ZFHX3: variants seen among roughly 807,000 people sequenced by gnomAD.
ZFHX3 encodes the protein zinc finger homeobox 3.
A neutral mutation model predicts 279.1 loss-of-function variants in ZFHX3; 42 were observed. The observed-to-expected ratio is 0.15, with a 90% CI of 0.12 to 0.19. The LOEUF (loss-of-function observed/expected upper bound fraction) is 0.19, where lower values mean the gene tolerates loss of function less well. Ranked by LOEUF, ZFHX3 falls within the 10% of genes least tolerant of loss-of-function variation. The pLI, the probability that ZFHX3 is intolerant of heterozygous loss-of-function variation, is 1.00. For synonymous variants in ZFHX3, 2,293 were observed against 1,957.8 expected, an observed-to-expected ratio of 1.17 and a Z score of -4.52; for missense variants, 4,981 against 4,754.0, an observed-to-expected ratio of 1.05 and a Z score of -1.40.
At chr16:73,082,339 C>G (rs554054703) in intron 8 of ZFHX3, among the ~76,000 whole-genome samples, 1 of 152,166 alleles carries the variant, frequency 6.6e-6, no homozygotes, top group East Asian at 1.9e-4. Flanking sequence ...GCGATCTTGG[C>G]TCACTGCAAG....
In ZFHX3 at chr16:72,793,893, G is replaced by A. The variant is rs762302068; in HGVS notation, c.8789C>T (p.Ala2930Val). Residue 2930 changes from alanine (A) to valine (V), a missense_variant, in exon 9 of 10, where the codon GCG becomes GTG. Transcript: ENST00000268489. The surrounding 1 kb of genome is among the most constrained non-coding windows in gnomAD (Gnocchi z 4.3). ...LADPCSPSPG[A>V]SGSAGKSGDS... is the part of the protein sequence containing the mutation. ...ACCAGATTTGCCTGCAGATCCACTCGCACCAGGACTCGGGGAGCAGGGATC... is the reference window on the plus strand; with the variant it reads ...ACCAGATTTGCCTGCAGATCCACTCACACCAGGACTCGGGGAGCAGGGATC... 1.3e-5 allele frequency: 21 copies of A among 1,614,060 alleles called. No homozygotes were observed. Among genetic ancestry groups the A allele is most frequent in the Non-Finnish European group, 1.6e-5 (19 of 1,180,038 alleles).
At chr16:73,547,397 C>T (rs1596991563) in intron 2 of ZFHX3, among the ~76,000 whole-genome samples, 1 of 152,148 alleles carries the variant, frequency 6.6e-6, no homozygotes, top group East Asian at 1.9e-4. Context: ...TCCTTTTGTT[C>T]AAAGTTCAGA....
chr16:73,662,710 G>T (rs996766717), intron 2 of ZFHX3, among the ~76,000 whole-genome samples: 1 of 152,134 alleles, frequency 6.6e-6, no homozygotes, highest in African/African-American at 2.4e-5. Flanking sequence ...TGCTGAAAGC[G>T]AACAATTTCA....
intron 3 of ZFHX3, among the ~76,000 whole-genome samples, chr16:73,383,369 G>C (rs2016847210): frequency 6.6e-6 from 1 of 152,184 alleles, no homozygotes; most frequent in Non-Finnish European, 1.5e-5. Context: ...AGCCGAGGCT[G>C]TAGAGCGGCA....
intron 2 of ZFHX3, among the ~76,000 whole-genome samples, chr16:73,479,001 G>A (rs1049816945): frequency 2.6e-5 from 4 of 152,094 alleles, no homozygotes; most frequent in African/African-American, 7.2e-5. Context: ...GCAGTGAGCC[G>A]AGATCATGCC....
chr16:73,455,730 C>T (rs1366993124), intron 3 of ZFHX3, among the ~76,000 whole-genome samples: 1 of 147,144 alleles, frequency 6.8e-6, no homozygotes, highest in African/African-American at 2.5e-5. Context: ...TAAAATATTG[C>T]TTTTTTTTTT....
intron 8 of ZFHX3, among the ~76,000 whole-genome samples, chr16:73,065,452 G>T (rs887230610): frequency 6.6e-6 from 1 of 151,882 alleles, no homozygotes; most frequent in Non-Finnish European, 1.5e-5. Context: ...CTGAATAAAC[G>T]TGAGGGTTTT....
intron 1 of ZFHX3, among the ~76,000 whole-genome samples, chr16:73,728,015 G>GCCCCCCCCCCCCCC (rs3049673): frequency 3.7e-4 from 28 of 75,422 alleles, no homozygotes; most frequent in Non-Finnish European, 4.7e-4. Context: ...GCCGAATTGT[G>GCCCCCCCCCCCCCC]CCCCCCCCCC....
At chr16:72,917,768 TTG>T (rs371139392) in intron 3 of ZFHX3, among the ~76,000 whole-genome samples, 12 of 152,358 alleles carry the variant, frequency 7.9e-5, no homozygotes, top group African/African-American at 2.6e-4. Flanking sequence ...GGATGATTTT[TTG>T]TGTGTGTGTC....
At chr16:73,523,437 G>C (rs1399450242) in intron 2 of ZFHX3, among the ~76,000 whole-genome samples, 2 of 152,104 alleles carry the variant, frequency 1.3e-5, no homozygotes, top group Non-Finnish European at 2.9e-5. Context: ...GGTTGGTGCT[G>C]TCTTCCTGTG....
At chr16:72,884,614 G>A (rs775340378) in intron 4 of ZFHX3, among the ~76,000 whole-genome samples, 4 of 152,190 alleles carry the variant, frequency 2.6e-5, no homozygotes, top group Non-Finnish European at 4.4e-5. Context: ...AGGACAAGGC[G>A]AGTAAGAGAG....
At chr16:72,924,366 T>C (rs1959327192) in intron 3 of ZFHX3, among the ~76,000 whole-genome samples, 1 of 152,220 alleles carries the variant, frequency 6.6e-6, no homozygotes, top group Admixed American at 6.5e-5. Flanking sequence ...GGACGGTCAC[T>C]GACTGTAAAA....
intron 8 of ZFHX3, among the ~76,000 whole-genome samples, chr16:73,077,716 C>A (rs1486176349): frequency 1.3e-5 from 2 of 152,192 alleles, no homozygotes; most frequent in Non-Finnish European, 2.9e-5. Context: ...GAAATTATTT[C>A]TGAATTAAAT....
chr16:72,809,619 A>AGAT (rs1306250224), intron 7 of ZFHX3: 2 of 152,228 alleles, frequency 1.3e-5, no homozygotes, highest in Admixed American at 1.3e-4. Flanking sequence ...ATGCATCATC[A>AGAT]ATTATATATT....
At chr16:73,506,474 T>C (rs2019328021) in intron 2 of ZFHX3, among the ~76,000 whole-genome samples, 1 of 152,180 alleles carries the variant, frequency 6.6e-6, no homozygotes, top group African/African-American at 2.4e-5. Context: ...CTTAGGTTAA[T>C]AGAGTCCCAC....
intron 4 of ZFHX3, among the ~76,000 whole-genome samples, chr16:73,302,489 C>G (rs921809536): frequency 3.6e-4 from 55 of 152,308 alleles, no homozygotes; most frequent in Admixed American, 2.6e-3. Flanking sequence ...GCGGCTTCCA[C>G]CAGTCACGCT....
intron 2 of ZFHX3, among the ~76,000 whole-genome samples, chr16:73,476,994 TTC>T (rs997875773): frequency 6.6e-6 from 1 of 152,240 alleles, no homozygotes; most frequent in African/African-American, 2.4e-5. Flanking sequence ...GCAATTTTTC[TTC>T]TGTCTCAAAT....
At chr16:73,078,939 C>T (rs896516050) in intron 8 of ZFHX3, among the ~76,000 whole-genome samples, 4 of 152,040 alleles carry the variant, frequency 2.6e-5, no homozygotes, top group South Asian at 2.1e-4. Context: ...CCACCGCGCC[C>T]GGCCCCTTTG....
chr16:73,687,620 G>T (rs369041285), intron 1 of ZFHX3, among the ~76,000 whole-genome samples: 1 of 151,932 alleles, frequency 6.6e-6, no homozygotes, highest in Non-Finnish European at 1.5e-5. Flanking sequence ...AAGGCAGGTG[G>T]ATCACGAGGT....
Sources: gnomAD v4.1 joint callset for allele counts (sites outside exome capture counted in the v4.1 genomes callset) on GRCh38, gnomAD v4.1.1 for gene constraint, Gnocchi (gnomAD v3.1) non-coding constraint, MANE v1.5 for transcripts, NCBI Gene and HGNC (gene_info 2026-07-23, HGNC 2026-07-21) for gene names.